Variants in SFMBT2 observed in about 807,000 individuals in gnomAD.
SFMBT2 encodes scm-like with four MBT domains protein 2.
In SFMBT2, 38 loss-of-function variants were observed where a neutral mutation model predicts 110.1. The ratio of observed to expected loss-of-function variants is 0.35; its 90% CI spans 0.27 to 0.45. SFMBT2 has a LOEUF of 0.45. SFMBT2 is among the 20% of genes least tolerant of loss of function. The pLI, the probability that SFMBT2 is intolerant of heterozygous loss-of-function variation, is 1.00. For missense variants in SFMBT2, 1,011 were observed against 1,094.9 expected (o/e 0.92, Z 1.08); for synonymous variants, 425 against 425.4 (o/e 1.00, Z 0.01).
At position 7,172,355 on chromosome 10, in the gene SFMBT2, G is replaced by T; in HGVS notation, c.2151+140C>A. Reference sequence around the variant, plus strand: ...CACTACATTTGTTTTCAGCAAGTAAGGAGGAGGGGGCTCTTCTTCAGTGTT... The same window carrying T: ...CACTACATTTGTTTTCAGCAAGTAATGAGGAGGGGGCTCTTCTTCAGTGTT... On this transcript the variant is annotated intron_variant, in intron 18 of 20. Coordinates refer to ENST00000397167, the MANE Select transcript of SFMBT2 (RefSeq NM_001387889.1). This position sits in a 1 kb window ranked among gnomAD's most constrained non-coding sequence, Gnocchi z 4.6. 6.7e-7 allele frequency: 1 copy of T among 1,495,750 alleles called. No individual in the cohort carries two copies. Among genetic ancestry groups the T allele is most frequent in the East Asian group, 2.4e-5 (1 of 41,600 alleles). 92.7% of individuals were successfully genotyped at this position (1,495,750 alleles called of 1,614,324 possible).
intron 2 of SFMBT2, among the ~76,000 whole-genome samples, chr10:7,376,397 T>C (rs189107423): frequency 5.5e-4 from 84 of 152,180 alleles, no homozygotes; most frequent in African/African-American, 1.9e-3. Context: ...GTTATTGATC[T>C]CAACTGTGAT....
At chr10:7,210,803 T>G (rs1839322690) in intron 11 of SFMBT2, among the ~76,000 whole-genome samples, 1 of 152,018 alleles carries the variant, frequency 6.6e-6, no homozygotes, top group South Asian at 2.1e-4. Flanking sequence ...GCCGAAGGCC[T>G]GGGAAAACAA....
intron 2 of SFMBT2, among the ~76,000 whole-genome samples, chr10:7,377,546 C>A (rs190746227): frequency 6.6e-6 from 1 of 152,294 alleles, no homozygotes; most frequent in Non-Finnish European, 1.5e-5. Context: ...TGTTTTCCTG[C>A]AACTAGACAG....
At chr10:7,333,743 A>C (rs1588457248) in intron 4 of SFMBT2, among the ~76,000 whole-genome samples, 59 of 118,556 alleles carry the variant, frequency 5.0e-4, no homozygotes, top group African/African-American at 7.1e-4. Flanking sequence ...TCTCCCCAAC[A>C]CCCCGCAAGG....
At chr10:7,276,017 C>G (rs1311687356) in intron 7 of SFMBT2, among the ~76,000 whole-genome samples, 1 of 152,268 alleles carries the variant, frequency 6.6e-6, no homozygotes, top group African/African-American at 2.4e-5. Flanking sequence ...GCCGCCCACA[C>G]TCCATGGGCC....
At chr10:7,353,493 GA>G (rs34329600) in intron 4 of SFMBT2, among the ~76,000 whole-genome samples, 146 of 140,646 alleles carry the variant, frequency 1.0e-3, no homozygotes, top group South Asian at 4.3e-3. Context: ...AAATCATAAA[GA>G]AAAAAAAAAA....
chr10:7,314,960 A>G (rs1564435116), intron 4 of SFMBT2, among the ~76,000 whole-genome samples: 2 of 148,368 alleles, frequency 1.3e-5, no homozygotes, highest in African/African-American at 5.0e-5. Flanking sequence ...AGAGAAAGAA[A>G]AGAGAGAGAG....
intron 4 of SFMBT2, among the ~76,000 whole-genome samples, chr10:7,362,680 G>A (rs1036367704): frequency 1.1e-4 from 16 of 152,208 alleles, no homozygotes; most frequent in Non-Finnish European, 2.1e-4. Context: ...CTCAGCTTCC[G>A]CTGATTACTC....
intron 7 of SFMBT2, among the ~76,000 whole-genome samples, chr10:7,262,007 G>A (rs1273682985): frequency 1.5e-4 from 23 of 152,244 alleles, no homozygotes; most frequent in Admixed American, 7.2e-4. Context: ...GGGTGACAGC[G>A]CTGAAGGGCA....
intron 4 of SFMBT2, among the ~76,000 whole-genome samples, chr10:7,319,410 A>C (rs1390437036): frequency 6.6e-6 from 1 of 152,206 alleles, no homozygotes; most frequent in Non-Finnish European, 1.5e-5. Context: ...AAAGCCAACC[A>C]GCCTATCTCA....
At chr10:7,352,735 G>A (rs954434132) in intron 4 of SFMBT2, among the ~76,000 whole-genome samples, 1 of 152,056 alleles carries the variant, frequency 6.6e-6, no homozygotes, top group African/African-American at 2.4e-5. Context: ...ACTGGGGCCG[G>A]GCGTGGTGGC....
chr10:7,345,999 A>T (rs1357277904), intron 4 of SFMBT2, among the ~76,000 whole-genome samples: 2 of 152,154 alleles, frequency 1.3e-5, no homozygotes, highest in African/African-American at 4.8e-5. Context: ...CTCGGTTGCT[A>T]CCATGTGTAG....
chr10:7,363,456 C>A (rs1490405155), intron 4 of SFMBT2, among the ~76,000 whole-genome samples: 1 of 151,968 alleles, frequency 6.6e-6, no homozygotes. Context: ...TCAAACAATT[C>A]TCCTGCCTCA....
intron 9 of SFMBT2, among the ~76,000 whole-genome samples, chr10:7,230,260 C>T (rs1170679622): frequency 6.6e-6 from 1 of 152,138 alleles, no homozygotes; most frequent in Non-Finnish European, 1.5e-5. Flanking sequence ...CTCTCTAAAG[C>T]TCCCCTCCAG....
chr10:7,300,189 C>T (rs747134224), intron 4 of SFMBT2, among the ~76,000 whole-genome samples: 24 of 151,540 alleles, frequency 1.6e-4, no homozygotes, highest in Admixed American at 2.6e-4. Context: ...GGAGGGGGAA[C>T]GGAGGAAACT....
At chr10:7,324,611 C>G (rs552874595) in intron 4 of SFMBT2, among the ~76,000 whole-genome samples, 1 of 152,336 alleles carries the variant, frequency 6.6e-6, no homozygotes, top group South Asian at 2.1e-4. Flanking sequence ...AATGGTTGTT[C>G]TTACCAGCTA....
At chr10:7,229,790 G>A (rs527261461) in intron 9 of SFMBT2, among the ~76,000 whole-genome samples, 3 of 149,618 alleles carry the variant, frequency 2.0e-5, no homozygotes, top group African/African-American at 4.9e-5. Flanking sequence ...GCATGATCTC[G>A]GCTCACTGCA....
At chr10:7,180,153 CACTT>C (rs1295616432) in intron 16 of SFMBT2, among the ~76,000 whole-genome samples, 2 of 150,070 alleles carry the variant, frequency 1.3e-5, no homozygotes, top group Non-Finnish European at 2.9e-5. Flanking sequence ...GACAGGGTCT[CACTT>C]AGTCATCCAG....
chr10:7,383,854 G>A (rs948010841), intron 1 of SFMBT2, among the ~76,000 whole-genome samples: 3 of 152,134 alleles, frequency 2.0e-5, no homozygotes, highest in Non-Finnish European at 2.9e-5. Context: ...CTGATTTAAA[G>A]TGTGAGAGCT....
Sources: gnomAD v4.1 joint callset for allele counts (sites outside exome capture counted in the v4.1 genomes callset) on GRCh38, gnomAD v4.1.1 for gene constraint, Gnocchi (gnomAD v3.1) non-coding constraint, MANE v1.5 for transcripts, NCBI Gene and HGNC (gene_info 2026-07-23, HGNC 2026-07-21) for gene names.